Variants in DISC1 observed in about 807,000 individuals in gnomAD.
DISC1 encodes disrupted in schizophrenia 1 protein.
Under a neutral mutation model 84.5 loss-of-function variants are expected in DISC1, and 57 were observed. That is an observed-to-expected ratio of 0.67 (90% CI 0.55 to 0.84). The LOEUF is 0.84. Ranked by LOEUF, DISC1 falls within the 40% of genes least tolerant of loss-of-function variation. The pLI is 0.00. For synonymous variants in DISC1, 411 were observed against 415.2 expected (o/e 0.99, Z 0.12); for missense variants, 1,000 against 1,057.8 (o/e 0.95, Z 0.76).
chr1:231,760,565 T>C (rs2075566769), intron 4 of DISC1, among the ~76,000 whole-genome samples: 1 of 152,194 alleles, frequency 6.6e-6, no homozygotes, highest in African/African-American at 2.4e-5. Context: ...CCTTGTTAGT[T>C]TTGGTCCTTT....
chr1:231,705,968 T>C (rs1558383879), intron 3 of DISC1, among the ~76,000 whole-genome samples: 2 of 152,146 alleles, frequency 1.3e-5, no homozygotes, highest in Admixed American at 6.5e-5. Flanking sequence ...GTTTCACTCA[T>C]AAAAATGACT....
chr1:231,920,304 A>C (rs139311963), intron 9 of DISC1, among the ~76,000 whole-genome samples: 1 of 152,344 alleles, frequency 6.6e-6, no homozygotes, highest in Non-Finnish European at 1.5e-5. Flanking sequence ...AAAATTTGTA[A>C]GTGGTCAGTG....
intron 10 of DISC1, among the ~76,000 whole-genome samples, chr1:232,001,251 G>A (rs1296202448): frequency 6.6e-6 from 1 of 151,948 alleles, no homozygotes; most frequent in African/African-American, 2.4e-5. Flanking sequence ...GCTAATTTTT[G>A]CATTTTTAGT....
chr1:231,649,266 G>A (rs1464856632), intron 1 of DISC1, among the ~76,000 whole-genome samples: 3 of 152,018 alleles, frequency 2.0e-5, no homozygotes, highest in Non-Finnish European at 4.4e-5. Context: ...GTCTTTGTTC[G>A]CATTAGTTTC....
chr1:231,959,291 G>T (rs937952736), intron 10 of DISC1: 5 of 986,528 alleles, frequency 5.1e-6, no homozygotes, highest in Non-Finnish European at 6.0e-6. Flanking sequence ...CACGTCTTAG[G>T]TTCTGTTTTG....
At chr1:231,818,566 G>C (rs1218602451) in intron 9 of DISC1, 49 bp downstream of exon 9, 1 of 1,609,790 alleles carries the variant, frequency 6.2e-7, no homozygotes, top group Non-Finnish European at 8.5e-7. Context: ...GATATTTGTT[G>C]TGTTTTGTGG....
chr1:231,763,409 A>C (rs143773616), intron 4 of DISC1, among the ~76,000 whole-genome samples: 421 of 152,274 alleles, frequency 2.8e-3, no homozygotes, highest in African/African-American at 9.6e-3. Flanking sequence ...ATTTTTCTTG[A>C]TGCTGCTATT....
chr1:231,801,841 CAG>C (rs2079290822), intron 8 of DISC1, among the ~76,000 whole-genome samples: 1 of 145,638 alleles, frequency 6.9e-6, no homozygotes, highest in African/African-American at 2.6e-5. Context: ...TTTTTTGAGT[CAG>C]AGTCTCGTTC....
At chr1:231,743,898 G>A (rs2073641490) in intron 3 of DISC1, among the ~76,000 whole-genome samples, 1 of 152,294 alleles carries the variant, frequency 6.6e-6, no homozygotes, top group African/African-American at 2.4e-5. Context: ...CAAGTTTTCT[G>A]CCCTTTCCTC....
At chr1:231,983,420 G>A (rs1489682389) in intron 10 of DISC1, among the ~76,000 whole-genome samples, 4 of 149,854 alleles carry the variant, frequency 2.7e-5, no homozygotes, top group Admixed American at 6.7e-5. Context: ...AGGAAACAAC[G>A]CGTGCTTCAG....
chr1:231,938,205 G>A (rs1275994995), intron 9 of DISC1, among the ~76,000 whole-genome samples: 1 of 152,182 alleles, frequency 6.6e-6, no homozygotes, highest in Non-Finnish European at 1.5e-5. Flanking sequence ...TTTTGCAGAA[G>A]TGAGGAAGGT....
intron 1 of DISC1, among the ~76,000 whole-genome samples, chr1:231,631,286 C>T (rs978552579): frequency 2.6e-5 from 4 of 152,208 alleles, no homozygotes; most frequent in African/African-American, 9.6e-5. Context: ...TTGTCAATGT[C>T]ACATATGTGA....
At chr1:231,690,350 C>T (rs367889437) in intron 1 of DISC1, among the ~76,000 whole-genome samples, 11 of 152,278 alleles carry the variant, frequency 7.2e-5, no homozygotes, top group African/African-American at 1.9e-4. Context: ...CTCAGTCGTT[C>T]GTTCCTGGAC....
intron 12 of DISC1, among the ~76,000 whole-genome samples, chr1:232,034,369 A>C (rs945365151): frequency 5.3e-5 from 8 of 152,218 alleles, no homozygotes; most frequent in African/African-American, 1.7e-4. Flanking sequence ...TTACAAGTAG[A>C]ATAATTAAGC....
At chr1:231,984,179 T>C (rs1664068736) in intron 10 of DISC1, among the ~76,000 whole-genome samples, 1 of 152,198 alleles carries the variant, frequency 6.6e-6, no homozygotes, top group African/African-American at 2.4e-5. Context: ...AGTCCTTCTG[T>C]AATTAAATCA....
intron 11 of DISC1, among the ~76,000 whole-genome samples, chr1:232,025,584 T>TCATCATCCTG (rs1321543511): frequency 6.7e-6 from 1 of 149,880 alleles, no homozygotes; most frequent in Non-Finnish European, 1.5e-5. Context: ...CAAAAAGACA[T>TCATCATCCTG]CATCATCCTG....
chr1:231,833,897 T>G (rs571988579), intron 9 of DISC1, among the ~76,000 whole-genome samples: 26 of 152,318 alleles, frequency 1.7e-4, no homozygotes, highest in African/African-American at 5.8e-4. Context: ...TGGAATTTAA[T>G]TTTTGGAGTT....
At chr1:231,931,791 G>A (rs984944556) in intron 9 of DISC1, among the ~76,000 whole-genome samples, 18 of 151,974 alleles carry the variant, frequency 1.2e-4, no homozygotes, top group African/African-American at 3.4e-4. Flanking sequence ...TGGGACCAGA[G>A]GCGTGTGCTA....
At chr1:231,709,927 C>G (rs114960646) in intron 3 of DISC1, among the ~76,000 whole-genome samples, 2 of 152,156 alleles carry the variant, frequency 1.3e-5, no homozygotes, top group Non-Finnish European at 2.9e-5. Context: ...TGAAGCTGCT[C>G]TCATAGGTTT....
Sources: allele counts gnomAD v4.1 joint callset (sites outside exome capture counted in the v4.1 genomes callset), GRCh38; gene constraint gnomAD v4.1.1; transcripts MANE v1.5; gene names NCBI Gene and HGNC (gene_info 2026-07-23, HGNC 2026-07-21).